ADARB2: variants seen among roughly 807,000 people sequenced by gnomAD.
ADARB2 encodes inactive double-stranded RNA-specific editase B2.
ADARB2 carries 25 observed loss-of-function variants against 62.2 expected under a neutral mutation model. The ratio of observed to expected loss-of-function variants is 0.40; its 90% CI spans 0.29 to 0.56. ADARB2 has a LOEUF of 0.56. ADARB2 is among the 20% of genes least tolerant of loss of function. The pLI is 0.43. For synonymous variants in ADARB2, 572 were observed against 500.8 expected, an observed-to-expected ratio of 1.14 and a Z score of -1.90; for missense variants, 1,071 against 1,077.4, an observed-to-expected ratio of 0.99 and a Z score of 0.08.
chr10:1,455,598 C>T (rs1372213497), intron 1 of ADARB2, among the ~76,000 whole-genome samples: 4 of 152,100 alleles, frequency 2.6e-5, no homozygotes, highest in African/African-American at 4.8e-5. Context: ...TTAATGTGTT[C>T]GATCCAGTTT....
rs545963637 is a variant in ADARB2, at chr10:1,669,732, A to ACACT, written c.100+67318_100+67319insAGTG. ...GAGACACACCTAGACACACACAGACACACAGAGACAAACACAGACACACTC... is the reference window on the plus strand; with the variant it reads ...GAGACACACCTAGACACACACAGACACACTCACAGAGACAAACACAGACACACTC... On this transcript the variant is annotated intron_variant, in intron 1 of 9. Transcript: ENST00000381312. 3.2e-3 allele frequency among the ~76,000 whole-genome samples: 490 copies of ACACT among 151,848 alleles called. 4 individuals are homozygous for ACACT. Among genetic ancestry groups the ACACT allele is most frequent in the African/African-American group, 0.011 (462 of 41,378 alleles).
intron 8 of ADARB2, among the ~76,000 whole-genome samples, chr10:1,185,977 T>G (rs1836752234): frequency 6.6e-6 from 1 of 152,206 alleles, no homozygotes; most frequent in Non-Finnish European, 1.5e-5. Context: ...GCTCCTGTGC[T>G]GATTGGGGCT....
At chr10:1,422,574 C>A (rs559847497) in intron 1 of ADARB2, among the ~76,000 whole-genome samples, 1 of 152,258 alleles carries the variant, frequency 6.6e-6, no homozygotes, top group African/African-American at 2.4e-5. Flanking sequence ...GCCTTGGTGA[C>A]CCCAGCCTGC....
chr10:1,571,862 A>AGGTGATATGCT (rs151089378), intron 1 of ADARB2, among the ~76,000 whole-genome samples: 3 of 148,836 alleles, frequency 2.0e-5, no homozygotes, highest in African/African-American at 7.5e-5. Flanking sequence ...GTGAGTATGC[A>AGGTGATATGCT]GGTGAGTGTG....
intron 4 of ADARB2, among the ~76,000 whole-genome samples, chr10:1,267,927 G>T (rs1476245874): frequency 1.3e-5 from 2 of 152,152 alleles, no homozygotes; most frequent in African/African-American, 4.8e-5. Context: ...TTAATTATGG[G>T]CATAAGAAAG....
rs575093987 is a variant in ADARB2, at chr10:1,506,745, C to T, written c.101-127585G>A. The stretch of plus-strand genomic sequence containing the variant: ...ACCCGCTGTGGACTGGCTGTGGGGT[C>T]CCCCAAATTCCTATGTTGGTACCCC... On this transcript the variant is annotated intron_variant, in intron 1 of 9. Coordinates refer to ENST00000381312, the MANE Select transcript of ADARB2 (RefSeq NM_018702.4). Among the ~76,000 whole-genome samples, 99 of 152,294 alleles carry T rather than the reference C, an allele frequency of 6.5e-4. 5 individuals are homozygous for T. The East Asian group carries it at 0.019, about 29-fold the overall frequency.
At chr10:1,498,585 CATCT>C (rs1427330070) in intron 1 of ADARB2, among the ~76,000 whole-genome samples, 3 of 152,060 alleles carry the variant, frequency 2.0e-5, no homozygotes. Context: ...GGAAATCATC[CATCT>C]ATGTTAGAAT....
intron 1 of ADARB2, among the ~76,000 whole-genome samples, chr10:1,670,562 T>A (rs1262375577): frequency 6.6e-6 from 1 of 152,210 alleles, no homozygotes; most frequent in Non-Finnish European, 1.5e-5. Flanking sequence ...CCTCTCCCAG[T>A]GGCCCCGGCC....
At position 1,182,193 on chromosome 10, in the gene ADARB2, A is replaced by G. The variant is rs1836683141; in HGVS notation, c.*1000T>C. 1 of 152,248 alleles carries G rather than the reference A, an allele frequency of 6.6e-6. No individual in the cohort carries two copies. The highest frequency in any genetic ancestry group is 1.5e-5 in the Non-Finnish European group (1 of 68,046). The allele number at this position is 152,248 out of a possible 1,614,324, so 9.4% of individuals were successfully genotyped here. On this transcript the variant is annotated 3_prime_UTR_variant, in exon 10 of 10. Coordinates refer to ENST00000381312, the MANE Select transcript of ADARB2 (RefSeq NM_018702.4). ...TGCTTTCTAATGAAAATTTAGTTAA[A>G]AAATCAGAATTTGATCAAAGACTTG... is the stretch of plus-strand genomic sequence containing the variant.
intron 1 of ADARB2, among the ~76,000 whole-genome samples, chr10:1,439,118 G>A (rs1382674175): frequency 2.7e-5 from 4 of 148,246 alleles, no homozygotes; most frequent in Middle Eastern, 3.3e-3. Context: ...CCTTCACTAC[G>A]GGGCTTCTGA....
chr10:1,429,350 T>G (rs916671918), intron 1 of ADARB2, among the ~76,000 whole-genome samples: 6 of 152,230 alleles, frequency 3.9e-5, no homozygotes, highest in African/African-American at 1.4e-4. Context: ...TACATTAACT[T>G]GCCTTCCGTA....
chr10:1,473,335 A>G (rs1244180927), intron 1 of ADARB2, among the ~76,000 whole-genome samples: 1 of 151,774 alleles, frequency 6.6e-6, no homozygotes, highest in African/African-American at 2.4e-5. Flanking sequence ...ATGGATACAA[A>G]TTTGCTGCTG....
intron 3 of ADARB2, chr10:1,289,982 C>T (rs1263354439): frequency 6.6e-6 from 1 of 151,926 alleles, no homozygotes; most frequent in Non-Finnish European, 1.5e-5. Flanking sequence ...ACAGCTGTAA[C>T]TTCCAGGGTT....
intron 7 of ADARB2, among the ~76,000 whole-genome samples, chr10:1,209,995 A>G (rs1837127555): frequency 6.6e-6 from 1 of 152,158 alleles, no homozygotes; most frequent in Non-Finnish European, 1.5e-5. Flanking sequence ...TGTGAAGTGA[A>G]ATCTATTATT....
intron 4 of ADARB2, among the ~76,000 whole-genome samples, chr10:1,256,236 G>A (rs1000731137): frequency 6.6e-6 from 1 of 152,200 alleles, no homozygotes; most frequent in African/African-American, 2.4e-5. Flanking sequence ...AGACTGAGAT[G>A]CAAAACTCTC....
intron 3 of ADARB2, among the ~76,000 whole-genome samples, chr10:1,327,233 GGCACAGCACCTCCTCACT>G (rs1589193272): frequency 6.9e-5 from 3 of 43,288 alleles, no homozygotes; most frequent in East Asian, 5.9e-4. Context: ...GCCTCCCCAC[GGCACAGCACCTCCTCACT>G]GCCCAGCGCC....
rs1832902154 is a variant in ADARB2 at position 1,569,148 on chromosome 10, C to CAA, written c.100+167902_100+167903insTT. Among the ~76,000 whole-genome samples, 5 of 149,532 alleles carry CAA rather than the reference C, an allele frequency of 3.3e-5. No homozygotes were observed. In the East Asian group the frequency reaches 7.8e-4, roughly 23 times the overall value. ...AGAGACAAAGAGAGAGACAGAGAGT[C>CAA]AGAGAGAGACAGAGATATATAAGGA... On this transcript the variant is annotated intron_variant, in intron 1 of 9. Transcript: ENST00000381312.
intron 1 of ADARB2, among the ~76,000 whole-genome samples, chr10:1,518,466 A>G (rs1030437123): frequency 6.6e-6 from 1 of 152,224 alleles, no homozygotes; most frequent in Non-Finnish European, 1.5e-5. Context: ...TGGAAACAAT[A>G]ACGTCCCTGG....
chr10:1,352,533 T>C (rs898336081), intron 3 of ADARB2, among the ~76,000 whole-genome samples: 6 of 152,172 alleles, frequency 3.9e-5, no homozygotes, highest in African/African-American at 1.4e-4. Flanking sequence ...CCTGTAGCCT[T>C]TCTGTCCAAA....
Sources: allele counts gnomAD v4.1 joint callset (sites outside exome capture counted in the v4.1 genomes callset), GRCh38; gene constraint gnomAD v4.1.1; transcripts MANE v1.5; gene names NCBI Gene and HGNC (gene_info 2026-07-23, HGNC 2026-07-21).